TBCK: variants seen among roughly 807,000 people sequenced by gnomAD.
TBCK encodes the protein TBC domain-containing protein kinase-like protein.
Under a neutral mutation model 113.4 loss-of-function variants are expected in TBCK, and 99 were observed. The observed-to-expected ratio is 0.87, with a 90% confidence interval of 0.74 to 1.03. TBCK has a LOEUF of 1.03. Ranked by LOEUF, TBCK falls within the 50% of genes least tolerant of loss-of-function variation. The probability of loss-of-function intolerance (pLI) is 0.00; values close to 1 mark genes in which losing one functional copy is unlikely to be tolerated. For synonymous variants in TBCK, 369 were observed against 370.8 expected (o/e 1.00, Z 0.05); for missense variants, 1,045 against 1,061.3 (o/e 0.98, Z 0.21).
At chr4:106,147,302 T>C (rs959350948) in intron 23 of TBCK, among the ~76,000 whole-genome samples, 10 of 152,198 alleles carry the variant, frequency 6.6e-5, no homozygotes, top group African/African-American at 1.7e-4. Context: ...TTTGCCCAGA[T>C]TGATCAGAGA....
At chr4:106,291,491 G>A (rs1457406134) in intron 3 of TBCK, among the ~76,000 whole-genome samples, 2 of 152,118 alleles carry the variant, frequency 1.3e-5, no homozygotes, top group African/African-American at 4.8e-5. Context: ...GCTATGTGGC[G>A]ACCAGCTATC....
At chr4:106,217,024 C>G (rs910805638) in intron 19 of TBCK, among the ~76,000 whole-genome samples, 2 of 152,122 alleles carry the variant, frequency 1.3e-5, no homozygotes, top group African/African-American at 4.8e-5. Flanking sequence ...CCACCATGAT[C>G]AAGTGGGCTT....
intron 3 of TBCK, among the ~76,000 whole-genome samples, chr4:106,281,857 G>A (rs937727801): frequency 5.3e-4 from 80 of 152,162 alleles, no homozygotes; most frequent in African/African-American, 1.8e-3. Context: ...ATATTGGCCT[G>A]TAGTTTTCTT....
At chr4:106,295,284 C>CT in intron 2 of TBCK, 118 bp from the exon 3 acceptor site, 1 of 702,846 alleles carries the variant, frequency 1.4e-6, no homozygotes. Flanking sequence ...TTTAAAAGAG[C>CT]CTTTCAAACT....
At chr4:106,090,385 C>T (rs1740076057) in intron 25 of TBCK, among the ~76,000 whole-genome samples, 1 of 152,154 alleles carries the variant, frequency 6.6e-6, no homozygotes, top group African/African-American at 2.4e-5. Context: ...TTCCCTAGGC[C>T]TCTAGGCCTG....
Position 106,251,464 on chromosome 4 carries a change from G to GA in TBCK, c.597+401dup, listed in dbSNP as rs534465272. 4.6e-4 allele frequency among the ~76,000 whole-genome samples: 70 copies of GA among 151,462 alleles called. 1 individual carries two copies. The highest frequency in any genetic ancestry group is 1.6e-3 in the African/African-American group (68 of 41,356). Reference sequence around the variant, plus strand: ...ATCAGAACTACAGGTAGAGTTCATTGAAAAAAAGCTGCTATTCTTCTCAAT... The same window carrying GA: ...ATCAGAACTACAGGTAGAGTTCATTGAAAAAAAAGCTGCTATTCTTCTCAAT... On this transcript the variant is annotated intron_variant, in intron 6 of 25. Coordinates refer to ENST00000394708, the MANE Select transcript of TBCK (RefSeq NM_001163435.3).
Position 106,171,203 on chromosome 4 carries a change from A to G in TBCK, c.2127T>C (p.Thr709=). ...TTGGAGGTTGAGCATGCTGTCTGTAAGTAGCACTTTTAGGAGTCCAACAAA... is the reference window on the plus strand; with the variant it reads ...TTGGAGGTTGAGCATGCTGTCTGTAGGTAGCACTTTTAGGAGTCCAACAAA... ...NLFCWTPKSA[T]YRQHAQPPKP... Residue 709 remains threonine (T), a synonymous_variant, in exon 23 of 26, where the codon ACT becomes ACC. Coordinates refer to ENST00000394708, the MANE Select transcript of TBCK (RefSeq NM_001163435.3). 1 of 1,612,916 alleles carries G rather than the reference A, an allele frequency of 6.2e-7. No homozygotes were observed. Among genetic ancestry groups the G allele is most frequent in the African/African-American group, 1.3e-5 (1 of 74,956 alleles).
At chr4:106,268,506 C>A (rs1283841862) in intron 3 of TBCK, among the ~76,000 whole-genome samples, 1 of 151,992 alleles carries the variant, frequency 6.6e-6, no homozygotes, top group African/African-American at 2.4e-5. Context: ...TAATTAAATT[C>A]TCTACCACTA....
chr4:106,066,917 G>GTT (rs60474698), intron 25 of TBCK, among the ~76,000 whole-genome samples: 6,269 of 151,954 alleles, frequency 0.041, 435 homozygotes, highest in African/African-American at 0.14. Context: ...TAATTTATCT[G>GTT]TTGATAGACA....
rs976213317 is a variant in TBCK at position 106,148,440 on chromosome 4, G to A, written c.2235+22655C>T. 6.6e-5 allele frequency among the ~76,000 whole-genome samples: 10 copies of A among 152,216 alleles called. No individual in the cohort carries two copies. The East Asian group carries it at 7.7e-4, about 12-fold the overall frequency. On this transcript the variant is annotated intron_variant, in intron 23 of 25. Transcript: ENST00000394708. ...CCCTTTATTTCTCAAACCAGCTGAC[G>A]CTTAGGGAAAATAGAAAAGAACCTA... is the stretch of plus-strand genomic sequence containing the variant.
chr4:106,084,463 C>T (rs974850622), intron 25 of TBCK, among the ~76,000 whole-genome samples: 17 of 151,894 alleles, frequency 1.1e-4, no homozygotes, highest in South Asian at 2.1e-4. Flanking sequence ...TATGATCGAC[C>T]GGAGTACCAG....
rs147248863 is a variant in TBCK, at chr4:106,316,173, G to C, written c.-272C>G. 90 of 175,868 alleles carry C rather than the reference G, an allele frequency of 5.1e-4. No homozygotes were observed. Among genetic ancestry groups the C allele is most frequent in the African/African-American group, 1.9e-3 (80 of 42,526 alleles). The allele number at this position is 175,868 out of a possible 1,614,324, so 10.9% of individuals were successfully genotyped here. A position where few individuals can be genotyped will look rare whatever the true frequency, so the allele number is the denominator to read the frequency against. On this transcript the variant is annotated 5_prime_UTR_variant, in exon 1 of 26. Coordinates refer to ENST00000394708, the MANE Select transcript of TBCK (RefSeq NM_001163435.3). The stretch of plus-strand genomic sequence containing the variant: ...GAACCCGGCGAGGAGCGCAAGCCTG[G>C]CCTTCCCCAAACACAGATCCGAGCT...
chr4:106,126,124 CTG>C (rs1745185917), intron 23 of TBCK, among the ~76,000 whole-genome samples: 1 of 152,154 alleles, frequency 6.6e-6, no homozygotes, highest in Admixed American at 6.5e-5. Flanking sequence ...AAGCCACAAC[CTG>C]TGCATTTAAT....
chr4:106,169,927 T>C (rs1018442235), intron 23 of TBCK, among the ~76,000 whole-genome samples: 1 of 152,020 alleles, frequency 6.6e-6, no homozygotes, highest in Non-Finnish European at 1.5e-5. Flanking sequence ...TATGAGACTG[T>C]AATGCTGCTG....
intron 3 of TBCK, among the ~76,000 whole-genome samples, chr4:106,279,918 T>C (rs1158613998): frequency 3.3e-5 from 5 of 152,144 alleles, no homozygotes; most frequent in Non-Finnish European, 7.4e-5. Context: ...CTTTTTGATA[T>C]ACTGATTTCC....
intron 15 of TBCK, among the ~76,000 whole-genome samples, chr4:106,234,323 G>T (rs1382347691): frequency 6.6e-6 from 1 of 152,030 alleles, no homozygotes; most frequent in African/African-American, 2.4e-5. Context: ...TGAACAATTG[G>T]CATTCTTGTA....
intron 22 of TBCK, among the ~76,000 whole-genome samples, chr4:106,183,602 T>C (rs1027159925): frequency 6.6e-5 from 10 of 152,088 alleles, no homozygotes; most frequent in African/African-American, 2.4e-4. Context: ...TTATTAAACA[T>C]GTAATCAGTG....
chr4:106,302,890 G>T (rs1767096399), intron 2 of TBCK, among the ~76,000 whole-genome samples: 1 of 152,142 alleles, frequency 6.6e-6, no homozygotes, highest in Non-Finnish European at 1.5e-5. Context: ...TGTCACTAAA[G>T]CCAGGTAACA....
intron 23 of TBCK, among the ~76,000 whole-genome samples, chr4:106,152,397 C>T (rs1169412389): frequency 1.3e-5 from 2 of 151,916 alleles, no homozygotes; most frequent in East Asian, 1.9e-4. Context: ...AATTGATTTG[C>T]ATATATTGAA....
Sources: gnomAD v4.1 joint callset for allele counts (sites outside exome capture counted in the v4.1 genomes callset) on GRCh38, gnomAD v4.1.1 for gene constraint, MANE v1.5 for transcripts, NCBI Gene and HGNC (gene_info 2026-07-23, HGNC 2026-07-21) for gene names.